Variants in MCM9 observed in about 807,000 individuals in gnomAD.
MCM9 encodes the protein minichromosome maintenance 9 homologous recombination repair factor, also known as DNA helicase MCM9.
A neutral mutation model predicts 72.8 loss-of-function variants in MCM9; 55 were observed. The observed-to-expected ratio is 0.76, with a 90% CI of 0.61 to 0.95. MCM9 has a LOEUF of 0.95. MCM9 is among the 40% of genes least tolerant of loss of function. MCM9 has a pLI of 0.00. For synonymous variants in MCM9, 480 were observed against 503.4 expected, an observed-to-expected ratio of 0.95 and a Z score of 0.62; for missense variants, 1,279 against 1,377.0, an observed-to-expected ratio of 0.93 and a Z score of 1.13.
At chr6:118,913,143 T>C (rs1490210232) in intron 7 of MCM9, 152 bp downstream of exon 7, 1 of 831,820 alleles carries the variant, frequency 1.2e-6, no homozygotes, top group Non-Finnish European at 1.8e-6. Context: ...ATACAGATGC[T>C]AGACTAAGTA....
intron 2 of MCM9, 144 bp downstream of exon 2, chr6:118,932,463 G>T: frequency 3.3e-6 from 1 of 306,128 alleles, no homozygotes; most frequent in Non-Finnish European, 4.8e-6. Context: ...TTTGGCTTAA[G>T]TCAGTAACAG....
chr6:118,919,558 A>G lies in MCM9; in HGVS notation c.704-1797T>C, dbSNP rs925182930. The G allele has an allele frequency of 4.6e-5, 7 of 152,190 alleles. 1 individual carries two copies. The highest frequency in any genetic ancestry group is 8.8e-5 in the Non-Finnish European group (6 of 68,034). 9.4% of individuals were successfully genotyped at this position (152,190 alleles called of 1,614,324 possible). ...AATTAATACCTTTAAAAGCCCTTCA[A>G]TATATACGTGTTTTCTTTACTCAAA... On this transcript the variant is annotated intron_variant, in intron 5 of 13. Transcript: ENST00000619706.
intron 8 of MCM9, among the ~76,000 whole-genome samples, chr6:118,894,772 G>T (rs760621063): frequency 6.6e-6 from 1 of 152,216 alleles, no homozygotes; most frequent in Admixed American, 6.5e-5. Flanking sequence ...TAGCCATGTT[G>T]TCAGCTTTGT....
intron 8 of MCM9, among the ~76,000 whole-genome samples, chr6:118,877,222 G>A (rs1056557946): frequency 2.0e-5 from 3 of 152,174 alleles, no homozygotes; most frequent in Non-Finnish European, 2.9e-5. Context: ...CCAGCCCCCA[G>A]TTGAGCTGCC....
chr6:118,881,950 G>C (rs1270400594), intron 8 of MCM9, among the ~76,000 whole-genome samples: 1 of 152,164 alleles, frequency 6.6e-6, no homozygotes, highest in Non-Finnish European at 1.5e-5. Flanking sequence ...CTCCCTATGA[G>C]CTCTTAATCA....
chr6:118,839,757 A>G (rs1775223947), intron 9 of MCM9, among the ~76,000 whole-genome samples: 1 of 152,220 alleles, frequency 6.6e-6, no homozygotes, highest in African/African-American at 2.4e-5. Context: ...CAGAGACTGC[A>G]GAACAGCAAA....
In MCM9 at chr6:118,924,018, A is replaced by G. The variant is rs1781660670; in HGVS notation, c.414T>C (p.Val138=). The G allele has an allele frequency of 6.2e-7, 1 of 1,614,204 alleles. No individual in the cohort carries two copies. The highest frequency in any genetic ancestry group is 8.5e-7 in the Non-Finnish European group (1 of 1,180,038). The change falls in exon 4 of 14, where the codon GTT becomes GTC. Residue 138 remains valine, a synonymous_variant. Transcript: ENST00000619706. The part of the protein sequence containing the change: ...GTVIRTSLVK[V]LEFERDYMCN... ...ACATGTAATCCCGCTCAAACTCCAG[A>G]ACCTTCACCAGACTTGTTCGAATCA...
intron 8 of MCM9, among the ~76,000 whole-genome samples, chr6:118,872,828 C>T (rs1010378199): frequency 2.0e-5 from 3 of 150,788 alleles, no homozygotes; most frequent in African/African-American, 7.3e-5. Context: ...AAATGAAATA[C>T]AAAGTAAGCA....
intron 6 of MCM9, among the ~76,000 whole-genome samples, chr6:118,915,512 A>C (rs573472633): frequency 7.2e-5 from 11 of 152,216 alleles, no homozygotes; most frequent in African/African-American, 2.7e-4. Flanking sequence ...CTCAGGTGAC[A>C]GCAGATCAGA....
At position 118,814,962 on chromosome 6, in the gene MCM9, G is replaced by A; in HGVS notation, c.3294C>T (p.Val1098=). ...SPPTTTAPMR[V]SKRKSFQLRG... is the part of the protein sequence containing the mutation. ...GGAGCTGAAAAGATTTCCTTTTACT[G>A]ACACGCATTGGAGCTGTGGTTGTAG... is the stretch of plus-strand genomic sequence containing the variant. Residue 1098 remains valine, a synonymous_variant, in exon 14 of 14, where the codon GTC becomes GTT. Transcript: ENST00000619706. 1 of 1,550,398 alleles carries A rather than the reference G, an allele frequency of 6.4e-7. No individual in the cohort carries two copies. The highest frequency in any genetic ancestry group is 1.7e-4 in the Middle Eastern group (1 of 5,994).
At chr6:118,871,220 A>G (rs1337778794) in intron 8 of MCM9, among the ~76,000 whole-genome samples, 1 of 152,220 alleles carries the variant, frequency 6.6e-6, no homozygotes, top group African/African-American at 2.4e-5. Context: ...AACATATTCA[A>G]CAATATATTA....
At chr6:118,922,801 G>A (rs1191662413) in intron 4 of MCM9, among the ~76,000 whole-genome samples, 1 of 152,100 alleles carries the variant, frequency 6.6e-6, no homozygotes, top group African/African-American at 2.4e-5. Context: ...GGAGGCCGAG[G>A]TGGGTGGATC....
intron 8 of MCM9, among the ~76,000 whole-genome samples, chr6:118,887,591 A>G (rs1778677118): frequency 6.6e-6 from 1 of 152,232 alleles, no homozygotes; most frequent in African/African-American, 2.4e-5. Flanking sequence ...AAATGACATC[A>G]AAAGCACAAT....
chr6:118,874,856 G>A (rs1434494845), intron 8 of MCM9, among the ~76,000 whole-genome samples: 1 of 152,256 alleles, frequency 6.6e-6, no homozygotes, highest in African/African-American at 2.4e-5. Context: ...GCTCACGCCT[G>A]TAATCCCAGC....
intron 8 of MCM9, chr6:118,907,352 G>A (rs1780250419): frequency 1.5e-6 from 2 of 1,311,812 alleles, no homozygotes; most frequent in Non-Finnish European, 2.1e-6. Flanking sequence ...TGTATATGGT[G>A]ATTTAACTTT....
chr6:118,823,801 CT>C (rs1773976288), intron 13 of MCM9, among the ~76,000 whole-genome samples: 1 of 151,412 alleles, frequency 6.6e-6, no homozygotes, highest in South Asian at 2.1e-4. Flanking sequence ...AAGGAAATAC[CT>C]TATATTTAAA....
At chr6:118,900,954 C>T in intron 8 of MCM9, 2 of 1,040,450 alleles carry the variant, frequency 1.9e-6, no homozygotes, top group Middle Eastern at 2.1e-4. Context: ...TATCTTATAA[C>T]CCTTATCCCT....
At chr6:118,824,437 T>C (rs1207212911) in intron 13 of MCM9, among the ~76,000 whole-genome samples, 2 of 151,676 alleles carry the variant, frequency 1.3e-5, no homozygotes, top group Non-Finnish European at 2.9e-5. Context: ...GCCTCCCGAG[T>C]AGCTGGAATT....
intron 8 of MCM9, among the ~76,000 whole-genome samples, chr6:118,868,896 C>T (rs771366430): frequency 5.3e-5 from 8 of 152,152 alleles, no homozygotes; most frequent in Non-Finnish European, 1.2e-4. Flanking sequence ...TATCATTTGA[C>T]CCAGCAATCC....
Sources: gnomAD v4.1 joint callset for allele counts (sites outside exome capture counted in the v4.1 genomes callset) on GRCh38, gnomAD v4.1.1 for gene constraint, MANE v1.5 for transcripts, NCBI Gene and HGNC (gene_info 2026-07-23, HGNC 2026-07-21) for gene names.